Variants in KIF13A observed in about 807,000 individuals in gnomAD.
The protein encoded by KIF13A is kinesin-like protein KIF13A.
KIF13A carries 79 observed loss-of-function variants against 212.2 expected under a neutral mutation model. The observed-to-expected ratio is 0.37, with a 90% CI of 0.31 to 0.45. The LOEUF (loss-of-function observed/expected upper bound fraction) is 0.45. KIF13A is among the 20% of genes least tolerant of loss of function. The pLI, the probability that KIF13A is intolerant of heterozygous loss-of-function variation, is 1.00. For synonymous variants in KIF13A, 789 were observed against 808.6 expected, an observed-to-expected ratio of 0.98 and a Z score of 0.41; for missense variants, 1,901 against 2,209.0, an observed-to-expected ratio of 0.86 and a Z score of 2.79.
At chr6:17,844,537 G>A (rs1284304531) in intron 9 of KIF13A, among the ~76,000 whole-genome samples, 2 of 152,170 alleles carry the variant, frequency 1.3e-5, no homozygotes, top group African/African-American at 4.8e-5. Context: ...AATCTCCAAA[G>A]AAAGGTTTTA....
downstream of KIF13A, among the ~76,000 whole-genome samples, chr6:17,763,234 CA>C (rs532065954): frequency 9.4e-4 from 143 of 152,224 alleles, no homozygotes; most frequent in African/African-American, 3.3e-3. Context: ...CCTATAATCC[CA>C]ACACTTTGGG....
At chr6:17,954,681 A>G (rs1223038571) in intron 2 of KIF13A, among the ~76,000 whole-genome samples, 1 of 152,012 alleles carries the variant, frequency 6.6e-6, no homozygotes, top group Admixed American at 6.6e-5. Context: ...TATTGTTTAT[A>G]TTGTTGTTAG....
intron 2 of KIF13A, among the ~76,000 whole-genome samples, chr6:17,928,255 G>A (rs1001301665): frequency 1.3e-5 from 2 of 152,162 alleles, no homozygotes; most frequent in Non-Finnish European, 2.9e-5. Flanking sequence ...CTATAGCGTA[G>A]GTGTTTTGTG....
rs571184770 is a variant in KIF13A, at chr6:17,886,876, C to T, written c.159+11292G>A. ...ATGTTTCTGAGGATTGTTTTGTTGTCGTTGTTAAAAAGAGGAAAAAAAAAA... is the reference window on the plus strand; with the variant it reads ...ATGTTTCTGAGGATTGTTTTGTTGTTGTTGTTAAAAAGAGGAAAAAAAAAA... On this transcript the variant is annotated intron_variant, in intron 3 of 38. Coordinates refer to ENST00000259711, the MANE Select transcript of KIF13A (RefSeq NM_022113.6). The surrounding 1 kb of genome is among the most constrained non-coding windows in gnomAD (Gnocchi z 5.6). Among the ~76,000 whole-genome samples, 3 of 150,100 alleles carry T rather than the reference C, an allele frequency of 2.0e-5. No individual in the cohort carries two copies. Among genetic ancestry groups the T allele is most frequent in the East Asian group, 3.9e-4 (2 of 5,136 alleles).
chr6:17,934,992 C>T lies in KIF13A; in HGVS notation c.147-36812G>A, dbSNP rs1435022460. Among the ~76,000 whole-genome samples the T allele has an allele frequency of 6.6e-6, 1 of 152,102 alleles. No individual in the cohort carries two copies. The highest frequency in any genetic ancestry group is 1.5e-5 in the Non-Finnish European group (1 of 68,036). On this transcript the variant is annotated intron_variant, in intron 2 of 38. Coordinates refer to ENST00000259711, the MANE Select transcript of KIF13A (RefSeq NM_022113.6). The surrounding 1 kb of genome is among the most constrained non-coding windows in gnomAD (Gnocchi z 5.4). ...TGAAGCAAGTTCCTTTACACCTGTG[C>T]TCCAGGCTTCCCACCACGCTAAGGG...
In KIF13A at chr6:17,886,019, AAC is replaced by A. The variant is rs1335236364; in HGVS notation, c.159+12147_159+12148del. ...TTCAAAGGTGATGTGGATATTTTCAAACACAGAATACTTCTTCTTCAATAAAA... is the reference window on the plus strand; with the variant it reads ...TTCAAAGGTGATGTGGATATTTTCAAACAGAATACTTCTTCTTCAATAAAA... On this transcript the variant is annotated intron_variant, in intron 3 of 38. Coordinates refer to ENST00000259711, the MANE Select transcript of KIF13A (RefSeq NM_022113.6). This position sits in a 1 kb window ranked among gnomAD's most constrained non-coding sequence, Gnocchi z 5.6. Among the ~76,000 whole-genome samples the A allele has an allele frequency of 6.6e-6, 1 of 152,248 alleles. No homozygotes were observed. Among genetic ancestry groups the A allele is most frequent in the Non-Finnish European group, 1.5e-5 (1 of 68,050 alleles).
At position 17,903,458 on chromosome 6, in the gene KIF13A, T is replaced by C. The variant is rs150459946; in HGVS notation, c.147-5278A>G. On this transcript the variant is annotated intron_variant, in intron 2 of 38. Transcript: ENST00000259711. ...AGCTCAATAATCTCAGGTATTGACA[T>C]AGTATGGCTAGAATTTAGGATGAAC... Among the ~76,000 whole-genome samples, 207 of 152,298 alleles carry C rather than the reference T, an allele frequency of 1.4e-3. 1 individual carries two copies. The highest frequency in any genetic ancestry group is 4.4e-3 in the African/African-American group (181 of 41,558).
At position 17,834,240 on chromosome 6, in the gene KIF13A, G is replaced by C. The variant is rs925629828; in HGVS notation, c.1156-169C>G. ...CTTTATTAATCAAACGAATGTAAGA[G>C]AACATGGCTGTTCCCTGAAAAAGAA... On this transcript the variant is annotated intron_variant, in intron 11 of 38. Transcript: ENST00000259711. This position sits in a 1 kb window ranked among gnomAD's most constrained non-coding sequence, Gnocchi z 4.0. 6.6e-6 allele frequency among the ~76,000 whole-genome samples: 1 copy of C among 152,136 alleles called. No homozygotes were observed. The highest frequency in any genetic ancestry group is 6.5e-5 in the Admixed American group (1 of 15,268).
At position 17,856,597 on chromosome 6, in the gene KIF13A, A is replaced by C. The variant is rs1415346228; in HGVS notation, c.221-475T>G. On this transcript the variant is annotated intron_variant, in intron 4 of 38. Coordinates refer to ENST00000259711, the MANE Select transcript of KIF13A (RefSeq NM_022113.6). The surrounding 1 kb of genome is among the most constrained non-coding windows in gnomAD (Gnocchi z 4.5). ...CGTTAGTTGCTGAGGATGGATTGAC[A>C]ACTTCAGCTGCTGTTTGTAGATTCA... 1.3e-5 allele frequency among the ~76,000 whole-genome samples: 2 copies of C among 152,200 alleles called. No individual in the cohort carries two copies. Among genetic ancestry groups the C allele is most frequent in the Non-Finnish European group, 2.9e-5 (2 of 68,030 alleles).
At chr6:17,760,318 C>T (rs977399763), downstream of KIF13A, 4 of 152,266 alleles carry the variant, frequency 2.6e-5, no homozygotes, top group African/African-American at 7.2e-5. Context: ...TATAAGAGAT[C>T]GCCCAAGTTG....
chr6:17,772,020 G>T lies in KIF13A; in HGVS notation c.4364C>A (p.Pro1455His), dbSNP rs775387752. The part of the protein sequence containing the change: ...SETPHALTVS[P>H]FKAFSPQPPK... The stretch of plus-strand genomic sequence containing the variant: ...TGGCTGAGGAGAGAATGCTTTAAAA[G>T]GGCTGACGGTTAAGGCATGAGGAGT... The change falls in exon 37 of 39, where the codon CCT (proline) becomes CAT (histidine). Residue 1455 changes from proline (P) to histidine (H), a missense_variant. Around this residue, in one of 5 missense-constraint regions of KIF13A, gnomAD observed 687 missense variants for 759.1 expected, o/e 0.90. Transcript: ENST00000259711. The surrounding 1 kb of genome is among the most constrained non-coding windows in gnomAD (Gnocchi z 4.8). The T allele has an allele frequency of 6.2e-7, 1 of 1,613,938 alleles. No individual in the cohort carries two copies. Among genetic ancestry groups the T allele is most frequent in the Non-Finnish European group, 8.5e-7 (1 of 1,179,844 alleles).
chr6:17,849,426 T>C lies in KIF13A; in HGVS notation c.781A>G (p.Lys261Glu). ...VDLAGSERVSKTGAAGERLKE... is the reference protein window; with the variant it reads ...VDLAGSERVSETGAAGERLKE... ...AGTCGCTCTCCTGCAGCTCCTGTTT[T>C]AGATACTCTTTCGCTACCCGCCAGG... Residue 261 changes from lysine to glutamate, a missense_variant, in exon 9 of 39, where the codon AAA (lysine) becomes GAA (glutamate). Coordinates refer to ENST00000259711, the MANE Select transcript of KIF13A (RefSeq NM_022113.6). This position sits in a 1 kb window ranked among gnomAD's most constrained non-coding sequence, Gnocchi z 5.7. 6.2e-7 allele frequency: 1 copy of C among 1,613,768 alleles called. No individual in the cohort carries two copies. The highest frequency in any genetic ancestry group is 8.5e-7 in the Non-Finnish European group (1 of 1,179,810).
At chr6:17,880,272 A>G (rs1288507760) in intron 3 of KIF13A, among the ~76,000 whole-genome samples, 5 of 152,164 alleles carry the variant, frequency 3.3e-5, no homozygotes, top group Non-Finnish European at 7.4e-5. Context: ...CGATGACTGA[A>G]GAAAAATAAA....
At chr6:17,863,050 T>G (rs932716494) in intron 4 of KIF13A, among the ~76,000 whole-genome samples, 11 of 152,188 alleles carry the variant, frequency 7.2e-5, no homozygotes, top group African/African-American at 2.2e-4. Context: ...TGAGCCACGA[T>G]CGTGCCACTG....
Position 17,772,209 on chromosome 6 carries a change from C to T in KIF13A, c.4325-150G>A. 1.4e-6 allele frequency: 1 copy of T among 691,872 alleles called. No individual in the cohort carries two copies. 42.9% of individuals were successfully genotyped at this position (691,872 alleles called of 1,614,324 possible). Reference sequence around the variant, plus strand: ...GGCTAAGCATTAAAACAGATGTATGCCCACCCTGTGCAACATAGGGACACC... The same window carrying T: ...GGCTAAGCATTAAAACAGATGTATGTCCACCCTGTGCAACATAGGGACACC... On this transcript the variant is annotated intron_variant, in intron 36 of 38. Transcript: ENST00000259711. The surrounding 1 kb of genome is among the most constrained non-coding windows in gnomAD (Gnocchi z 4.8).
chr6:17,898,218 A>G lies in KIF13A; in HGVS notation c.147-38T>C, dbSNP rs764659618. ...AAAAAAAAAATTCAGCAGCAGGGAT[A>G]CAGAGGGTTGTCAACACAGCAGCCA... On this transcript the variant is annotated intron_variant, in intron 2 of 38. Transcript: ENST00000259711. This position sits in a 1 kb window ranked among gnomAD's most constrained non-coding sequence, Gnocchi z 5.2. 2 of 1,609,538 alleles carry G rather than the reference A, an allele frequency of 1.2e-6. No homozygotes were observed. The highest frequency in any genetic ancestry group is 1.7e-6 in the Non-Finnish European group (2 of 1,176,792).
At position 17,794,739 on chromosome 6, in the gene KIF13A, T is replaced by C. The variant is rs773996155; in HGVS notation, c.2943-35A>G. 3.1e-6 allele frequency: 5 copies of C among 1,594,776 alleles called. No homozygotes were observed. The African/African-American group carries it at 6.7e-5, about 21-fold the overall frequency. On this transcript the variant is annotated intron_variant, in intron 23 of 38. Coordinates refer to ENST00000259711, the MANE Select transcript of KIF13A (RefSeq NM_022113.6). This position sits in a 1 kb window ranked among gnomAD's most constrained non-coding sequence, Gnocchi z 4.1. ...CACATTCCAACAAGCAAGAGCGTCA[T>C]CGTCCAGGGATACTGTTAGTAATAG...
At chr6:17,975,931 T>G (rs2150624468) in intron 2 of KIF13A, among the ~76,000 whole-genome samples, 1 of 151,084 alleles carries the variant, frequency 6.6e-6, no homozygotes. Context: ...GACATAAAGG[T>G]TCTCCAAGGC....
At position 17,772,192 on chromosome 6, in the gene KIF13A, A is replaced by G; in HGVS notation, c.4325-133T>C. 1.2e-6 allele frequency: 1 copy of G among 807,676 alleles called. No individual in the cohort carries two copies. The highest frequency in any genetic ancestry group is 1.8e-5 in the South Asian group (1 of 56,556). 50.0% of individuals were successfully genotyped at this position (807,676 alleles called of 1,614,324 possible). A position where few individuals can be genotyped will look rare whatever the true frequency, so the allele number is the denominator to read the frequency against. On this transcript the variant is annotated intron_variant, in intron 36 of 38. Coordinates refer to ENST00000259711, the MANE Select transcript of KIF13A (RefSeq NM_022113.6). The surrounding 1 kb of genome is among the most constrained non-coding windows in gnomAD (Gnocchi z 4.8). ...TTCATAGGCTAATATTTGGCTAAGC[A>G]TTAAAACAGATGTATGCCCACCCTG... is the stretch of plus-strand genomic sequence containing the variant.
Sources: gnomAD v4.1 joint callset for allele counts (sites outside exome capture counted in the v4.1 genomes callset) on GRCh38, gnomAD v4.1.1 for gene constraint, gnomAD v4.1.1 regional missense constraint, Gnocchi (gnomAD v3.1) non-coding constraint, MANE v1.5 for transcripts, NCBI Gene and HGNC (gene_info 2026-07-23, HGNC 2026-07-21) for gene names.